SDK1: variants seen among roughly 807,000 people sequenced by gnomAD.
SDK1 encodes the protein sidekick cell adhesion molecule 1, also known as protein sidekick-1.
In SDK1, 157 loss-of-function variants were observed where a neutral mutation model predicts 245.5. That is an observed-to-expected ratio of 0.64 (90% confidence interval 0.56 to 0.73). The LOEUF is 0.73. Among genes scored for constraint, SDK1 ranks in the 30% least tolerant of loss-of-function variants. The probability of loss-of-function intolerance (pLI) is 0.00; values close to 1 mark genes in which losing one functional copy is unlikely to be tolerated. For synonymous variants in SDK1, 1,647 were observed against 1,278.5 expected (o/e 1.29, Z -6.15); for missense variants, 3,583 against 3,002.3 (o/e 1.19, Z -4.52).
chr7:4,198,252 C>G (rs778818863), intron 35 of SDK1, among the ~76,000 whole-genome samples: 23 of 152,224 alleles, frequency 1.5e-4, no homozygotes, highest in Non-Finnish European at 2.8e-4. Flanking sequence ...CACACACCCC[C>G]CTCATTTGCC....
At chr7:4,053,351 G>A (rs536618885) in intron 19 of SDK1, among the ~76,000 whole-genome samples, 3 of 139,798 alleles carry the variant, frequency 2.1e-5, no homozygotes, top group African/African-American at 9.5e-5. Flanking sequence ...GTGTCCTTAC[G>A]CTTGCCTCTC....
chr7:3,376,091 G>A (rs1043447815), intron 1 of SDK1, among the ~76,000 whole-genome samples: 1 of 152,126 alleles, frequency 6.6e-6, no homozygotes, highest in Non-Finnish European at 1.5e-5. Context: ...TAGTGCTTTG[G>A]GAGGCTGAGG....
intron 40 of SDK1, among the ~76,000 whole-genome samples, chr7:4,228,937 T>C (rs1457061095): frequency 2.0e-5 from 3 of 152,188 alleles, no homozygotes; most frequent in African/African-American, 4.8e-5. Flanking sequence ...GCCTGGGTGA[T>C]TGACAAGTGG....
chr7:4,233,149 C>G, intron 40 of SDK1, 106 bp from the exon 41 acceptor site: 4 of 1,062,074 alleles, frequency 3.8e-6, no homozygotes, highest in Non-Finnish European at 5.6e-6. Context: ...CCCCTGATGC[C>G]TCATCCAGGG....
rs554803535 is a variant in SDK1 at position 3,572,845 on chromosome 7, A to C, written c.299-46235A>C. The stretch of plus-strand genomic sequence containing the variant: ...GGTGAAAAATAGAGGGTGCTATTGA[A>C]ATGTATTCACCTGAAGAAGGGAGGA... On this transcript the variant is annotated intron_variant, in intron 1 of 44. Coordinates refer to ENST00000404826, the MANE Select transcript of SDK1 (RefSeq NM_152744.4). 1.8e-4 allele frequency among the ~76,000 whole-genome samples: 27 copies of C among 152,220 alleles called. 1 individual carries two copies. The highest frequency in any genetic ancestry group is 3.4e-4 in the Non-Finnish European group (23 of 67,994).
chr7:3,507,706 G>T (rs1429150314), intron 1 of SDK1, among the ~76,000 whole-genome samples: 1 of 152,168 alleles, frequency 6.6e-6, no homozygotes, highest in East Asian at 1.9e-4. Context: ...GTATGCAGTA[G>T]ATTATCTCTC....
rs1275223383 is a variant in SDK1 at position 4,026,063 on chromosome 7, AG to A, written c.2602+8713del. Among the ~76,000 whole-genome samples the A allele has an allele frequency of 5.9e-5, 9 of 152,274 alleles. 1 individual carries two copies. The highest frequency in any genetic ancestry group is 2.2e-4 in the African/African-American group (9 of 41,566). ...CACGAACGCGTCCCCAGCGTTGGGG[AG>A]GTATGCCACTCAGCACCCTGGACAC... On this transcript the variant is annotated intron_variant, in intron 17 of 44. Transcript: ENST00000404826. This position sits in a 1 kb window ranked among gnomAD's most constrained non-coding sequence, Gnocchi z 4.1.
intron 1 of SDK1, among the ~76,000 whole-genome samples, chr7:3,589,874 C>T (rs1440283230): frequency 1.3e-5 from 2 of 152,092 alleles, no homozygotes; most frequent in Non-Finnish European, 2.9e-5. Context: ...GCATAATACC[C>T]AGACTGTGAG....
chr7:4,126,272 A>G (rs74944305), intron 25 of SDK1, among the ~76,000 whole-genome samples: 30,809 of 152,274 alleles, frequency 0.2, 3,447 homozygotes, highest in Middle Eastern at 0.27. Context: ...AAGAAAATTA[A>G]CAAAGCAAAT....
At chr7:3,415,641 G>A (rs1213419309) in intron 1 of SDK1, among the ~76,000 whole-genome samples, 5 of 151,504 alleles carry the variant, frequency 3.3e-5, no homozygotes, top group Non-Finnish European at 7.4e-5. Flanking sequence ...CATGATAGTA[G>A]TTGCTTTGTA....
At chr7:4,259,236 C>T (rs536703021) in intron 44 of SDK1, among the ~76,000 whole-genome samples, 15 of 152,194 alleles carry the variant, frequency 9.9e-5, no homozygotes, top group Non-Finnish European at 1.9e-4. Context: ...GTCAGGAGTT[C>T]GAGACCAGCC....
intron 20 of SDK1, among the ~76,000 whole-genome samples, chr7:4,075,918 G>A (rs1183924415): frequency 6.6e-6 from 1 of 152,104 alleles, no homozygotes; most frequent in Non-Finnish European, 1.5e-5. Context: ...CTCCCCAAGT[G>A]CTGGGATTAC....
intron 42 of SDK1, among the ~76,000 whole-genome samples, chr7:4,240,560 C>T (rs577111497): frequency 2.0e-5 from 3 of 152,204 alleles, no homozygotes; most frequent in Admixed American, 6.5e-5. Flanking sequence ...GTTTAAAGCA[C>T]GTCAAAGGGG....
intron 4 of SDK1, among the ~76,000 whole-genome samples, chr7:3,816,285 C>G (rs1779506010): frequency 6.6e-6 from 1 of 151,930 alleles, no homozygotes; most frequent in Middle Eastern, 3.4e-3. Context: ...AAAAACCCTT[C>G]AAAAACTCAA....
intron 4 of SDK1, among the ~76,000 whole-genome samples, chr7:3,773,150 T>C (rs1458451005): frequency 6.6e-6 from 1 of 152,212 alleles, no homozygotes; most frequent in Non-Finnish European, 1.5e-5. Flanking sequence ...CTCCCTCTCT[T>C]CTTTTTCTAG....
chr7:3,337,294 T>G (rs894026355), intron 1 of SDK1, among the ~76,000 whole-genome samples: 1 of 151,068 alleles, frequency 6.6e-6, no homozygotes, highest in African/African-American at 2.4e-5. Context: ...CTCAATAGAG[T>G]GGCAATGGCA....
intron 44 of SDK1, among the ~76,000 whole-genome samples, chr7:4,262,629 C>G (rs1788093940): frequency 6.6e-6 from 1 of 150,504 alleles, no homozygotes; most frequent in African/African-American, 2.4e-5. Context: ...CCTCCCCACC[C>G]TCGGAGGTCT....
At chr7:3,362,661 C>T (rs1169690067) in intron 1 of SDK1, among the ~76,000 whole-genome samples, 1 of 152,012 alleles carries the variant, frequency 6.6e-6, no homozygotes, top group African/African-American at 2.4e-5. Context: ...ACTTTGTAAG[C>T]CAGCACTTTG....
At chr7:4,115,667 G>T (rs938737738) in intron 25 of SDK1, among the ~76,000 whole-genome samples, 1 of 152,154 alleles carries the variant, frequency 6.6e-6, no homozygotes, top group East Asian at 1.9e-4. Context: ...TCAAGAGATG[G>T]CCAGGGCCTG....
Sources: gnomAD v4.1 joint callset for allele counts (sites outside exome capture counted in the v4.1 genomes callset) on GRCh38, gnomAD v4.1.1 for gene constraint, Gnocchi (gnomAD v3.1) non-coding constraint, MANE v1.5 for transcripts, NCBI Gene and HGNC (gene_info 2026-07-23, HGNC 2026-07-21) for gene names.